Variants in DENND3 observed in about 807,000 individuals in gnomAD.
The protein encoded by DENND3 is DENN domain-containing protein 3.
DENND3 carries 88 observed loss-of-function variants against 135.1 expected under a neutral mutation model. The ratio of observed to expected loss-of-function variants is 0.65; its 90% CI spans 0.55 to 0.78. DENND3 has a LOEUF of 0.78. DENND3 is among the 30% of genes least tolerant of loss of function. The pLI is 0.00. For missense variants in DENND3, 1,392 were observed against 1,688.4 expected, an observed-to-expected ratio of 0.82 and a Z score of 3.08; for synonymous variants, 693 against 712.3, an observed-to-expected ratio of 0.97 and a Z score of 0.43.
chr8:141,145,294 C>T (rs57510399), intron 5 of DENND3, among the ~76,000 whole-genome samples: 22,322 of 152,176 alleles, frequency 0.15, 2,114 homozygotes, highest in East Asian at 0.48. Flanking sequence ...ATCCCTGAAA[C>T]CCACCTATGA....
At chr8:141,193,917 C>T in intron 22 of DENND3, 116 bp from the exon 23 acceptor site, 1 of 1,200,466 alleles carries the variant, frequency 8.3e-7, no homozygotes, top group South Asian at 1.4e-5. Flanking sequence ...GAGGCCCTGT[C>T]CAGGAAGGAC....
rs146996274 is a variant in DENND3, at chr8:141,190,198, C to T, written c.3246-86C>T. On this transcript the variant is annotated intron_variant, in intron 19 of 22. Transcript: ENST00000519811. The stretch of plus-strand genomic sequence containing the variant: ...GTGTTGAGCACATTTTCTCTCATGG[C>T]GACTTGGTTCTCTCTTGGGTTAAAA... The T allele has an allele frequency of 1.8e-3, 2,598 of 1,427,548 alleles. 13 individuals carry two copies. Among genetic ancestry groups the T allele is most frequent in the Middle Eastern group, 5.5e-3 (30 of 5,430 alleles). 88.4% of individuals were successfully genotyped at this position (1,427,548 alleles called of 1,614,324 possible). A position where few individuals can be genotyped will look rare whatever the true frequency, so the allele number is the denominator to read the frequency against.
intron 6 of DENND3, 81 bp from the exon 7 acceptor site, chr8:141,151,538 G>A (rs1818797367): frequency 3.7e-6 from 5 of 1,363,896 alleles, no homozygotes; most frequent in Non-Finnish European, 5.1e-6. Flanking sequence ...TCCAGCCTGG[G>A]CTGGGCAACA....
intron 15 of DENND3, chr8:141,176,978 T>C: frequency 1.8e-6 from 1 of 563,770 alleles, no homozygotes; most frequent in Non-Finnish European, 3.1e-6. Flanking sequence ...AAGAGCATGA[T>C]GAGAAAACGC....
chr8:141,138,887 G>A lies in DENND3; in HGVS notation c.501+750G>A, dbSNP rs537507147. ...TGGATGGACCACATTTTATTTCTCC[G>A]TGTATCCGTCGATGGACCTGTGGGT... On this transcript the variant is annotated intron_variant, in intron 3 of 22. Transcript: ENST00000519811. This position sits in a 1 kb window ranked among gnomAD's most constrained non-coding sequence, Gnocchi z 4.8. Among the ~76,000 whole-genome samples, 6 of 152,260 alleles carry A rather than the reference G, an allele frequency of 3.9e-5. No individual in the cohort carries two copies. The South Asian group carries it at 6.2e-4, about 16-fold the overall frequency.
chr8:141,157,853 A>G (rs928378498), intron 8 of DENND3: 5 of 901,484 alleles, frequency 5.5e-6, no homozygotes, highest in Non-Finnish European at 6.7e-6. Context: ...TCCGCCTTCC[A>G]GGTTCAAGCG....
At chr8:141,183,734 TTG>T (rs1192958291) in intron 17 of DENND3, among the ~76,000 whole-genome samples, 3 of 142,370 alleles carry the variant, frequency 2.1e-5, no homozygotes, top group African/African-American at 9.1e-5. Flanking sequence ...GTTTTTTGTT[TTG>T]TTTTTTTTTT....
At position 141,130,467 on chromosome 8, in the gene DENND3, C is replaced by T. The variant is rs1815888355; in HGVS notation, c.102+1658C>T. ...TGCTACTGTGCATGCTTAACTTTGT[C>T]CTCTTTACTCTGTCTTTTGATTCTG... On this transcript the variant is annotated intron_variant, in intron 1 of 22. Coordinates refer to ENST00000519811, the MANE Select transcript of DENND3 (RefSeq NM_001352890.3). This position sits in a 1 kb window ranked among gnomAD's most constrained non-coding sequence, Gnocchi z 4.2. Among the ~76,000 whole-genome samples, 1 of 152,022 alleles carries T rather than the reference C, an allele frequency of 6.6e-6. No homozygotes were observed. Among genetic ancestry groups the T allele is most frequent in the South Asian group, 2.1e-4 (1 of 4,820 alleles).
rs140201658 is a variant in DENND3, at chr8:141,159,254, C to T, written c.1197-1378C>T. 5.2e-3 allele frequency among the ~76,000 whole-genome samples: 792 copies of T among 152,342 alleles called. 9 individuals carry two copies. The highest frequency in any genetic ancestry group is 0.018 in the African/African-American group (754 of 41,580). On this transcript the variant is annotated intron_variant, in intron 8 of 22. Coordinates refer to ENST00000519811, the MANE Select transcript of DENND3 (RefSeq NM_001352890.3). ...GAATCCCGTTCTTCCCTTTTCCTGT[C>T]CCTGCCTCCAGGAGGGTCAGGCAGC...
chr8:141,145,837 A>AT (rs1818029013), intron 5 of DENND3, among the ~76,000 whole-genome samples: 5 of 28,884 alleles, frequency 1.7e-4, no homozygotes, highest in African/African-American at 1.6e-3. Context: ...ATATATATAT[A>AT]TATATATATA....
At chr8:141,188,160 G>C (rs796106588) in intron 18 of DENND3, among the ~76,000 whole-genome samples, 3 of 152,344 alleles carry the variant, frequency 2.0e-5, no homozygotes, top group African/African-American at 7.2e-5. Context: ...GGGAGGCTGA[G>C]GCTGCAGTGA....
chr8:141,158,244 T>A, intron 8 of DENND3: 2 of 1,289,530 alleles, frequency 1.6e-6, no homozygotes, highest in Non-Finnish European at 2.0e-6. Flanking sequence ...TGCGCGAACT[T>A]TGAAGGAGAC....
Position 141,183,183 on chromosome 8 carries a change from A to G in DENND3, c.2945-1956A>G, listed in dbSNP as rs184544492. 4.2e-3 allele frequency among the ~76,000 whole-genome samples: 633 copies of G among 152,358 alleles called. 2 individuals are homozygous for G. Among genetic ancestry groups the G allele is most frequent in the Non-Finnish European group, 7.7e-3 (523 of 68,036 alleles). On this transcript the variant is annotated intron_variant, in intron 17 of 22. Coordinates refer to ENST00000519811, the MANE Select transcript of DENND3 (RefSeq NM_001352890.3). ...GACTTTATGGTAAAGAAAAAAATGCATAAATTATATATAAAATACCATAAA... is the reference window on the plus strand; with the variant it reads ...GACTTTATGGTAAAGAAAAAAATGCGTAAATTATATATAAAATACCATAAA...
chr8:141,143,728 A>G (rs1817734746), intron 4 of DENND3, among the ~76,000 whole-genome samples: 1 of 152,132 alleles, frequency 6.6e-6, no homozygotes, highest in Admixed American at 6.5e-5. Flanking sequence ...TAAATTGTAT[A>G]CAGTACTTTA....
intron 1 of DENND3, among the ~76,000 whole-genome samples, chr8:141,133,280 G>A (rs1442610348): frequency 6.6e-6 from 1 of 151,618 alleles, no homozygotes; most frequent in Non-Finnish European, 1.5e-5. Flanking sequence ...CCTGGCTTAG[G>A]GAGCGAGCTG....
chr8:141,144,708 G>A lies in DENND3; in HGVS notation c.735+449G>A, dbSNP rs371708078. ...TATGCCCGCTCCCTTTTGGAGTTTA[G>A]GCACAGCTGACCAGCATTAGGTTAA... On this transcript the variant is annotated intron_variant, in intron 5 of 22. Coordinates refer to ENST00000519811, the MANE Select transcript of DENND3 (RefSeq NM_001352890.3). This position sits in a 1 kb window ranked among gnomAD's most constrained non-coding sequence, Gnocchi z 4.4. Among the ~76,000 whole-genome samples the A allele has an allele frequency of 6.6e-5, 10 of 152,216 alleles. No individual in the cohort carries two copies. In the South Asian group the frequency reaches 2.1e-3, roughly 32 times the overall value.
chr8:141,128,650 G>A lies in DENND3; in HGVS notation c.-58G>A, dbSNP rs893649861. The A allele has an allele frequency of 5.2e-6, 6 of 1,164,498 alleles. No homozygotes were observed. Among genetic ancestry groups the A allele is most frequent in the Non-Finnish European group, 6.6e-6 (6 of 912,912 alleles). The allele number at this position is 1,164,498 out of a possible 1,614,324, so 72.1% of individuals were successfully genotyped here. A position where few individuals can be genotyped will look rare whatever the true frequency, so the allele number is the denominator to read the frequency against. ...GCGCGGCTGGTCCCCAGGGGTCTGC[G>A]GGCGACTGCGCGGCTGAGGCGCCCG... On this transcript the variant is annotated 5_prime_UTR_variant, in exon 1 of 23. Coordinates refer to ENST00000519811, the MANE Select transcript of DENND3 (RefSeq NM_001352890.3). The surrounding 1 kb of genome is among the most constrained non-coding windows in gnomAD (Gnocchi z 4.5).
At chr8:141,161,250 G>T (rs1439732898) in intron 9 of DENND3, among the ~76,000 whole-genome samples, 1 of 152,260 alleles carries the variant, frequency 6.6e-6, no homozygotes, top group Non-Finnish European at 1.5e-5. Context: ...CCAGGGGCTA[G>T]TGAGGGACAG....
chr8:141,150,977 C>G, intron 6 of DENND3, 24 bp downstream of exon 6: 1 of 1,505,534 alleles, frequency 6.6e-7, no homozygotes, highest in Non-Finnish European at 8.8e-7. Context: ...CCCCGGCGAG[C>G]GCGTCTTGTG....
Sources: gnomAD v4.1 joint callset for allele counts (sites outside exome capture counted in the v4.1 genomes callset) on GRCh38, gnomAD v4.1.1 for gene constraint, Gnocchi (gnomAD v3.1) non-coding constraint, MANE v1.5 for transcripts, NCBI Gene and HGNC (gene_info 2026-07-23, HGNC 2026-07-21) for gene names.